SKA2: variants seen among roughly 807,000 people sequenced by gnomAD.
SKA2 encodes the protein spindle and kinetochore-associated protein 2.
SKA2 carries 13 observed loss-of-function variants against 16.9 expected under a neutral mutation model. The ratio of observed to expected loss-of-function variants is 0.77; its 90% CI spans 0.50 to 1.22. The LOEUF (loss-of-function observed/expected upper bound fraction) is 1.22. Ranked by LOEUF, SKA2 falls within the 50% of genes most tolerant of loss-of-function variation. The pLI, the probability that SKA2 is intolerant of heterozygous loss-of-function variation, is 0.00. For synonymous variants in SKA2, 47 were observed against 48.5 expected (o/e 0.97, Z 0.13); for missense variants, 107 against 139.7 (o/e 0.77, Z 1.18).
At chr17:59,118,451 A>G (rs929230690) in intron 3 of SKA2, among the ~76,000 whole-genome samples, 1 of 152,212 alleles carries the variant, frequency 6.6e-6, no homozygotes, top group African/African-American at 2.4e-5. Flanking sequence ...GGTTCTATAC[A>G]GATATGTTGT....
intron 1 of SKA2, among the ~76,000 whole-genome samples, chr17:59,145,319 A>G (rs2046523764): frequency 6.6e-6 from 1 of 152,180 alleles, no homozygotes; most frequent in Non-Finnish European, 1.5e-5. Flanking sequence ...TACTTTCTCA[A>G]TACTCCTAGC....
intron 1 of SKA2, among the ~76,000 whole-genome samples, chr17:59,152,261 T>C (rs1430057082): frequency 6.6e-6 from 1 of 152,158 alleles, no homozygotes; most frequent in Non-Finnish European, 1.5e-5. Flanking sequence ...GTAATGTTGA[T>C]TGATGCAAAA....
intron 1 of SKA2, among the ~76,000 whole-genome samples, chr17:59,146,151 A>G (rs1568311244): frequency 6.6e-6 from 1 of 152,180 alleles, no homozygotes; most frequent in Non-Finnish European, 1.5e-5. Context: ...GCAGTCACTA[A>G]ATCACTAGAT....
chr17:59,120,982 C>G (rs1250767536), intron 2 of SKA2, among the ~76,000 whole-genome samples: 5 of 151,866 alleles, frequency 3.3e-5, no homozygotes, highest in Non-Finnish European at 7.4e-5. Context: ...GAAACCCCGT[C>G]TCTACGAAAA....
rs1020377860 is a variant in SKA2, at chr17:59,111,397, ATCTT to A, written c.*876_*879del. ...TATTATAAACAACCCTGTGATTAACATCTTTCTATCAAGATCTGCCTCTACTTTG... is the reference window on the plus strand; with the variant it reads ...TATTATAAACAACCCTGTGATTAACATCTATCAAGATCTGCCTCTACTTTG... On this transcript the variant is annotated 3_prime_UTR_variant, in exon 4 of 4. Coordinates refer to ENST00000330137, the MANE Select transcript of SKA2 (RefSeq NM_182620.4). 4 of 152,230 alleles carry A rather than the reference ATCTT, an allele frequency of 2.6e-5. No homozygotes were observed. The highest frequency in any genetic ancestry group is 3.8e-4 in the East Asian group (2 of 5,202). The allele number at this position is 152,230 out of a possible 1,614,324, so 9.4% of individuals were successfully genotyped here.
chr17:59,139,372 GGGC>G (rs1025091172), intron 1 of SKA2, among the ~76,000 whole-genome samples: 9 of 145,490 alleles, frequency 6.2e-5, no homozygotes, highest in Admixed American at 2.8e-4. Context: ...ACTCCAGCCT[GGGC>G]AACAGAGCAA....
At chr17:59,154,863 A>G in intron 1 of SKA2, 1 of 1,385,816 alleles carries the variant, frequency 7.2e-7, no homozygotes, top group African/African-American at 1.4e-5. Flanking sequence ...AGGGGTGTAA[A>G]GGTGAGGGCA....
At chr17:59,144,652 T>C (rs537228915) in intron 1 of SKA2, among the ~76,000 whole-genome samples, 16 of 152,036 alleles carry the variant, frequency 1.1e-4, no homozygotes, top group Non-Finnish European at 2.1e-4. Context: ...TTTTGCTGAA[T>C]GAAATAAGCC....
intron 1 of SKA2, among the ~76,000 whole-genome samples, chr17:59,146,933 G>C (rs2046536720): frequency 6.6e-6 from 1 of 152,180 alleles, no homozygotes; most frequent in Non-Finnish European, 1.5e-5. Context: ...GCCTCCCAGA[G>C]CGCTGGGATT....
chr17:59,149,596 C>T (rs777328479), intron 1 of SKA2, among the ~76,000 whole-genome samples: 20 of 152,040 alleles, frequency 1.3e-4, no homozygotes, highest in Non-Finnish European at 1.9e-4. Flanking sequence ...CTCAAGAATT[C>T]GAGACCAACC....
chr17:59,152,212 GA>G (rs1425565154), intron 1 of SKA2, among the ~76,000 whole-genome samples: 4 of 152,240 alleles, frequency 2.6e-5, no homozygotes, highest in African/African-American at 9.6e-5. Flanking sequence ...AAAAGTCAGA[GA>G]ACAAAGATTG....
At position 59,110,861 on chromosome 17, in the gene SKA2, A is replaced by C. The variant is rs1468146934; in HGVS notation, c.*1416T>G. 6.6e-6 allele frequency: 1 copy of C among 152,024 alleles called. No homozygotes were observed. Among genetic ancestry groups the C allele is most frequent in the Non-Finnish European group, 1.5e-5 (1 of 67,978 alleles). 9.4% of individuals were successfully genotyped at this position (152,024 alleles called of 1,614,324 possible). On this transcript the variant is annotated 3_prime_UTR_variant, in exon 4 of 4. Coordinates refer to ENST00000330137, the MANE Select transcript of SKA2 (RefSeq NM_182620.4). Reference sequence around the variant, plus strand: ...AACTAGACAGGACAATTTTAACTGAAGCTGTTCTCACAACCCTGTTTTTCA... The same window carrying C: ...AACTAGACAGGACAATTTTAACTGACGCTGTTCTCACAACCCTGTTTTTCA...
intron 1 of SKA2, among the ~76,000 whole-genome samples, chr17:59,153,721 G>A (rs2046594701): frequency 6.6e-6 from 1 of 152,252 alleles, no homozygotes; most frequent in African/African-American, 2.4e-5. Context: ...AGGGAATGGC[G>A]TGGGAAGGAG....
intron 2 of SKA2, among the ~76,000 whole-genome samples, chr17:59,124,110 A>G (rs768659862): frequency 6.6e-6 from 1 of 152,094 alleles, no homozygotes; most frequent in African/African-American, 2.4e-5. Flanking sequence ...TATTTCTGCA[A>G]CTCTTCAAAT....
At chr17:59,151,305 G>T in intron 1 of SKA2, 2 of 423,870 alleles carry the variant, frequency 4.7e-6, no homozygotes, top group Non-Finnish European at 4.6e-6. Flanking sequence ...TTGCCATTTT[G>T]GACAGAAAAA....
intron 1 of SKA2, among the ~76,000 whole-genome samples, chr17:59,147,952 C>T (rs1204125245): frequency 6.6e-6 from 1 of 151,982 alleles, no homozygotes; most frequent in Admixed American, 6.6e-5. Flanking sequence ...AAGCAATTCT[C>T]CTGCCTTAGC....
chr17:59,148,211 CGA>C (rs2046548886), intron 1 of SKA2, among the ~76,000 whole-genome samples: 1 of 151,922 alleles, frequency 6.6e-6, no homozygotes, highest in Non-Finnish European at 1.5e-5. Context: ...GCAAAACTGT[CGA>C]GAGAAAATTT....
At chr17:59,153,515 A>G (rs546115891) in intron 1 of SKA2, among the ~76,000 whole-genome samples, 24 of 152,312 alleles carry the variant, frequency 1.6e-4, no homozygotes, top group African/African-American at 5.8e-4. Context: ...TTTGTATATG[A>G]GAGGCACTCC....
At chr17:59,125,563 AG>A (rs2046366425) in intron 2 of SKA2, among the ~76,000 whole-genome samples, 1 of 150,994 alleles carries the variant, frequency 6.6e-6, no homozygotes, top group Non-Finnish European at 1.5e-5. Flanking sequence ...TAGCCAGGAT[AG>A]TAGCGGGTAC....
Sources: gnomAD v4.1 joint callset for allele counts (sites outside exome capture counted in the v4.1 genomes callset) on GRCh38, gnomAD v4.1.1 for gene constraint, MANE v1.5 for transcripts, NCBI Gene and HGNC (gene_info 2026-07-23, HGNC 2026-07-21) for gene names.